Variants in UBE2U observed in about 807,000 individuals in gnomAD.
UBE2U encodes ubiquitin-conjugating enzyme E2 U.
UBE2U carries 39 observed loss-of-function variants against 41.2 expected under a neutral mutation model. The observed-to-expected ratio is 0.95, with a 90% confidence interval of 0.73 to 1.24. The LOEUF is 1.24. Among genes scored for constraint, UBE2U ranks in the 50% most tolerant of loss-of-function variants. The pLI, the probability that UBE2U is intolerant of heterozygous loss-of-function variation, is 0.00. For missense variants in UBE2U, 336 were observed against 363.1 expected, an observed-to-expected ratio of 0.93 and a Z score of 0.61; for synonymous variants, 107 against 117.8, an observed-to-expected ratio of 0.91 and a Z score of 0.60.
chr1:64,256,778 T>C (rs1190413971), intron 8 of UBE2U, among the ~76,000 whole-genome samples: 3 of 151,764 alleles, frequency 2.0e-5, no homozygotes, highest in Non-Finnish European at 4.4e-5. Context: ...TGGGATCTAA[T>C]GAAAGAGCTT....
At chr1:64,227,139 T>A (rs2100360560) in intron 6 of UBE2U, among the ~76,000 whole-genome samples, 1 of 152,298 alleles carries the variant, frequency 6.6e-6, no homozygotes, top group South Asian at 2.1e-4. Flanking sequence ...GTAATAGGAA[T>A]CTACAAAAGT....
intron 6 of UBE2U, among the ~76,000 whole-genome samples, chr1:64,227,657 C>T (rs919608189): frequency 9.2e-5 from 14 of 151,974 alleles, no homozygotes; most frequent in African/African-American, 3.1e-4. Flanking sequence ...CAAAATTAGC[C>T]GGGCATGGGT....
chr1:64,251,828 A>G (rs1361646770), intron 8 of UBE2U, among the ~76,000 whole-genome samples: 3 of 152,154 alleles, frequency 2.0e-5, no homozygotes, highest in Non-Finnish European at 4.4e-5. Flanking sequence ...AAAATCCTCC[A>G]GTGAGGCACC....
intron 4 of UBE2U, among the ~76,000 whole-genome samples, chr1:64,212,950 T>C (rs1651750822): frequency 6.6e-6 from 1 of 152,102 alleles, no homozygotes; most frequent in African/African-American, 2.4e-5. Context: ...TTCGAAAACA[T>C]TAATAAAACA....
intron 4 of UBE2U, among the ~76,000 whole-genome samples, chr1:64,211,721 A>G (rs1651675957): frequency 6.6e-6 from 1 of 152,238 alleles, no homozygotes; most frequent in African/African-American, 2.4e-5. Flanking sequence ...AATTACAGGC[A>G]AGAGCCACCA....
Position 64,210,896 on chromosome 1 carries a change from C to A in UBE2U, c.339+57C>A, listed in dbSNP as rs1360320672. Reference sequence around the variant, plus strand: ...AATACTTTTAATTACCCTAATTATTCAAACTACAAGGATTAAAATATACAA... The same window carrying A: ...AATACTTTTAATTACCCTAATTATTAAAACTACAAGGATTAAAATATACAA... On this transcript the variant is annotated intron_variant, in intron 4 of 9. Coordinates refer to ENST00000371077, the MANE Select transcript of UBE2U (RefSeq NM_001366232.2). The A allele has an allele frequency of 7.1e-6, 9 of 1,262,516 alleles. No homozygotes were observed. In the East Asian group the frequency reaches 1.0e-4, roughly 14 times the overall value. 78.2% of individuals were successfully genotyped at this position (1,262,516 alleles called of 1,614,324 possible).
chr1:64,206,927 G>A, intron 3 of UBE2U, 71 bp downstream of exon 3: 1 of 910,306 alleles, frequency 1.1e-6, no homozygotes, highest in Non-Finnish European at 1.7e-6. Flanking sequence ...TAATAATCAT[G>A]TTTCTTTTTA....
At chr1:64,225,638 T>C (rs1652815764) in intron 6 of UBE2U, among the ~76,000 whole-genome samples, 1 of 152,194 alleles carries the variant, frequency 6.6e-6, no homozygotes, top group African/African-American at 2.4e-5. Context: ...ACAATGGTGG[T>C]TCGGTCAAGG....
intron 6 of UBE2U, among the ~76,000 whole-genome samples, chr1:64,224,646 C>T (rs1652731967): frequency 2.0e-5 from 3 of 151,868 alleles, no homozygotes; most frequent in African/African-American, 4.8e-5. Context: ...TCGCTTGAAC[C>T]CGGGAGGTGG....
At chr1:64,264,948 C>T (rs1288795129) in intron 9 of UBE2U, among the ~76,000 whole-genome samples, 1 of 151,182 alleles carries the variant, frequency 6.6e-6, no homozygotes, top group African/African-American at 2.4e-5. Flanking sequence ...GAAACCCTGC[C>T]TCAAAAAAAA....
intron 7 of UBE2U, among the ~76,000 whole-genome samples, chr1:64,234,454 A>C (rs1055094262): frequency 4.6e-5 from 7 of 152,154 alleles, no homozygotes; most frequent in Non-Finnish European, 7.4e-5. Flanking sequence ...TTTATATTTC[A>C]TCTCATCATT....
rs999382125 is a variant in UBE2U at position 64,267,259 on chromosome 1, G to A, written c.*51G>A. On this transcript the variant is annotated 3_prime_UTR_variant, in exon 10 of 10. Coordinates refer to ENST00000371077, the MANE Select transcript of UBE2U (RefSeq NM_001366232.2). ...TAAACAGCCTCCGCCATAGCCCAGCGTTGTGGAGCAATTTTGGAAGACTCT... is the reference window on the plus strand; with the variant it reads ...TAAACAGCCTCCGCCATAGCCCAGCATTGTGGAGCAATTTTGGAAGACTCT... 4.5e-5 allele frequency: 62 copies of A among 1,383,610 alleles called. No individual in the cohort carries two copies. Among genetic ancestry groups the A allele is most frequent in the African/African-American group, 1.3e-4 (9 of 66,900 alleles). 85.7% of individuals were successfully genotyped at this position (1,383,610 alleles called of 1,614,324 possible).
rs1653134696 is a variant in UBE2U, at chr1:64,229,531, A to G, written c.507-3030A>G. Among the ~76,000 whole-genome samples, 4 of 152,198 alleles carry G rather than the reference A, an allele frequency of 2.6e-5. 1 individual carries two copies. The South Asian group carries it at 8.3e-4, about 32-fold the overall frequency. On this transcript the variant is annotated intron_variant, in intron 6 of 9. Transcript: ENST00000371077. ...GGAGAGGTTAGATAACTTGCTCCAG[A>G]GCCACACACTTAACAAGTAGAAGTG...
At chr1:64,257,701 A>G (rs1645116827) in intron 8 of UBE2U, among the ~76,000 whole-genome samples, 1 of 152,202 alleles carries the variant, frequency 6.6e-6, no homozygotes, top group East Asian at 1.9e-4. Context: ...TGATCTGTGC[A>G]GTAATCCACC....
intron 7 of UBE2U, among the ~76,000 whole-genome samples, chr1:64,234,109 T>G (rs1301424849): frequency 6.6e-6 from 1 of 152,216 alleles, no homozygotes; most frequent in African/African-American, 2.4e-5. Context: ...TTCCTAAAGC[T>G]GCATCTCTAG....
chr1:64,221,022 A>G (rs1652418868), intron 6 of UBE2U, 115 bp downstream of exon 6: 2 of 664,554 alleles, frequency 3.0e-6, no homozygotes, highest in Non-Finnish European at 4.8e-6. Context: ...GAAACATCTT[A>G]TAATATCTTT....
chr1:64,219,328 CT>C (rs113021164), intron 5 of UBE2U, among the ~76,000 whole-genome samples: 34 of 149,664 alleles, frequency 2.3e-4, no homozygotes, highest in Middle Eastern at 6.8e-3. Flanking sequence ...CTTTTTTTTT[CT>C]GGAAGCTTTT....
intron 3 of UBE2U, among the ~76,000 whole-genome samples, chr1:64,207,387 G>A (rs145730960): frequency 4.6e-5 from 7 of 152,152 alleles, no homozygotes; most frequent in African/African-American, 1.7e-4. Flanking sequence ...CTGACCATCC[G>A]CCCACTTTGG....
intron 6 of UBE2U, among the ~76,000 whole-genome samples, chr1:64,225,615 G>T (rs1249673894): frequency 6.6e-6 from 1 of 152,226 alleles, no homozygotes; most frequent in African/African-American, 2.4e-5. Flanking sequence ...TATTTTGGTT[G>T]ATCAGGGGCA....
Sources: allele counts gnomAD v4.1 joint callset (sites outside exome capture counted in the v4.1 genomes callset), GRCh38; gene constraint gnomAD v4.1.1; transcripts MANE v1.5; gene names NCBI Gene and HGNC (gene_info 2026-07-23, HGNC 2026-07-21).